URB1: variants seen among roughly 807,000 people sequenced by gnomAD.
URB1 encodes the protein URB1 ribosome biogenesis factor, also known as nucleolar pre-ribosomal-associated protein 1.
In URB1, 197 loss-of-function variants were observed where a neutral mutation model predicts 242.3. The ratio of observed to expected loss-of-function variants is 0.81; its 90% confidence interval spans 0.72 to 0.91. The LOEUF (loss-of-function observed/expected upper bound fraction) is 0.91. URB1 is among the 40% of genes least tolerant of loss of function. The pLI is 0.00. For synonymous variants in URB1, 1,153 were observed against 1,201.8 expected (o/e 0.96, Z 0.84); for missense variants, 2,721 against 2,860.5 (o/e 0.95, Z 1.11).
intron 30 of URB1, among the ~76,000 whole-genome samples, chr21:32,327,746 T>A (rs150906306): frequency 6.6e-6 from 1 of 152,310 alleles, no homozygotes; most frequent in South Asian, 2.1e-4. Context: ...AGGAAATGGA[T>A]CTATACTGTT....
Position 32,361,921 on chromosome 21 carries a change from G to A in URB1, c.1610C>T (p.Pro537Leu), listed in dbSNP as rs1328041487. The part of the protein sequence containing the change: ...DKKGQKRSDG[P>L]PAACDAHQCD... The stretch of plus-strand genomic sequence containing the variant: ...CTGGTGAGCATCGCAGGCAGCCGGG[G>A]GCCCATCGCTCCTTTTCTGCCCTTT... Residue 537 changes from proline (P) to leucine (L), a missense_variant, in exon 12 of 39, where the codon CCC becomes CTC. Pro to Leu is a moderately conservative substitution (Grantham distance 98). Transcript: ENST00000382751. The A allele has an allele frequency of 3.9e-6, 6 of 1,551,302 alleles. No homozygotes were observed. In the Admixed American group the frequency reaches 1.2e-4, roughly 30 times the overall value.
rs933256424 is a variant in URB1 at position 32,355,569 on chromosome 21, C to T, written c.1990-4G>A. 5 of 1,550,718 alleles carry T rather than the reference C, an allele frequency of 3.2e-6. No individual in the cohort carries two copies. In the Middle Eastern group the frequency reaches 6.7e-4, roughly 207 times the overall value. ...ACACCCCCGTGTCCCGCAGAATCTG[C>T]CAGGAAGTAGGCACCGGTGAAAAAG... On this transcript the variant is annotated splice_region_variant and splice_polypyrimidine_tract_variant and intron_variant, in intron 15 of 38. Transcript: ENST00000382751.
chr21:32,314,715 G>C lies in URB1; in HGVS notation c.*203C>G. On this transcript the variant is annotated 3_prime_UTR_variant, in exon 39 of 39. Transcript: ENST00000382751. The stretch of plus-strand genomic sequence containing the variant: ...CACATTCCTTGCAACTCTGATGCTG[G>C]GCACCTACAGGCCCGAGTTTATCAT... 1 of 1,532,312 alleles carries C rather than the reference G, an allele frequency of 6.5e-7. No individual in the cohort carries two copies. The highest frequency in any genetic ancestry group is 9.0e-7 in the Non-Finnish European group (1 of 1,107,292). The allele number at this position is 1,532,312 out of a possible 1,614,324, so 94.9% of individuals were successfully genotyped here. A position where few individuals can be genotyped will look rare whatever the true frequency, so the allele number is the denominator to read the frequency against.
At chr21:32,362,486 G>A (rs2033300327) in intron 11 of URB1, among the ~76,000 whole-genome samples, 1 of 152,166 alleles carries the variant, frequency 6.6e-6, no homozygotes, top group Non-Finnish European at 1.5e-5. Flanking sequence ...GGGATTACAG[G>A]TGTGAGCCAC....
intron 20 of URB1, 85 bp downstream of exon 20, chr21:32,350,619 G>T: frequency 6.9e-7 from 1 of 1,444,960 alleles, no homozygotes; most frequent in Non-Finnish European, 9.4e-7. Flanking sequence ...GCAAGAGTGT[G>T]CTGGGCTGTG....
Position 32,385,602 on chromosome 21 carries a change from A to C in URB1, c.225T>G (p.Ser75=). The C allele has an allele frequency of 6.4e-7, 1 of 1,552,026 alleles. No homozygotes were observed. Among genetic ancestry groups the C allele is most frequent in the East Asian group, 2.4e-5 (1 of 40,924 alleles). The change falls in exon 2 of 39, where the codon TCT becomes TCG. Residue 75 remains serine, a synonymous_variant. Coordinates refer to ENST00000382751, the MANE Select transcript of URB1 (RefSeq NM_014825.3). The part of the protein sequence containing the change: ...YDVVEGYIKI[S]VECVEIFQLL... Reference sequence around the variant, plus strand: ...GCTGGAAAATTTCGACACACTCAACAGAAATCTTTATATACCCTTCCACAA... The same window carrying C: ...GCTGGAAAATTTCGACACACTCAACCGAAATCTTTATATACCCTTCCACAA...
intron 16 of URB1, 47 bp from the exon 17 acceptor site, chr21:32,355,044 G>A: frequency 1.3e-6 from 2 of 1,508,278 alleles, no homozygotes; most frequent in Non-Finnish European, 8.9e-7. Context: ...GGTCACAGGT[G>A]AAATGAAGAA....
In URB1 at chr21:32,318,012, G is replaced by A. The variant is rs2032715210; in HGVS notation, c.5793-95C>T. The A allele has an allele frequency of 4.8e-6, 7 of 1,462,328 alleles. No individual in the cohort carries two copies. The East Asian group carries it at 1.2e-4, about 26-fold the overall frequency. 90.6% of individuals were successfully genotyped at this position (1,462,328 alleles called of 1,614,324 possible). A position where few individuals can be genotyped will look rare whatever the true frequency, so the allele number is the denominator to read the frequency against. ...CCCTGACGACATCACACACCCAGAGGTGCACACAGTCCCTCCAGGAACCAG... is the reference window on the plus strand; with the variant it reads ...CCCTGACGACATCACACACCCAGAGATGCACACAGTCCCTCCAGGAACCAG... On this transcript the variant is annotated intron_variant, in intron 36 of 38. Transcript: ENST00000382751.
In URB1 at chr21:32,338,898, A is replaced by C; in HGVS notation, c.4319T>G (p.Phe1440Cys). 1.3e-6 allele frequency: 2 copies of C among 1,533,230 alleles called. No individual in the cohort carries two copies. Among genetic ancestry groups the C allele is most frequent in the South Asian group, 2.4e-5 (2 of 82,922 alleles). 95.0% of individuals were successfully genotyped at this position (1,533,230 alleles called of 1,614,324 possible). ...WQKFVKKGLK[F>C]RYQDHTFLKM... is the part of the protein sequence containing the mutation. ...TAAAAATGTGTGGTCCTGGTACCGAAATCTAGGCGGCGAGAGTCAAAGGGA... is the reference window on the plus strand; with the variant it reads ...TAAAAATGTGTGGTCCTGGTACCGACATCTAGGCGGCGAGAGTCAAAGGGA... Residue 1440 changes from phenylalanine (F) to cysteine (C), a missense_variant and splice_region_variant, in exon 26 of 39, where the codon TTT (phenylalanine) becomes TGT (cysteine). By Grantham distance (205) the Phe-to-Cys change is radical. Transcript: ENST00000382751.
At chr21:32,351,043 G>A (rs1243556765) in intron 19 of URB1, 121 bp from the exon 20 acceptor site, 4 of 1,045,260 alleles carry the variant, frequency 3.8e-6, no homozygotes, top group East Asian at 5.2e-5. Context: ...GCTGAGATAA[G>A]ACTAACGAAT....
intron 1 of URB1, among the ~76,000 whole-genome samples, chr21:32,387,861 C>T (rs2033599902): frequency 6.6e-6 from 1 of 152,158 alleles, no homozygotes; most frequent in Non-Finnish European, 1.5e-5. Flanking sequence ...CTAGTCAGCA[C>T]CTCTGAACAC....
At position 32,312,069 on chromosome 21, in the gene URB1, C is replaced by T. The variant is rs2032595330; in HGVS notation, c.*2849G>A. The T allele has an allele frequency of 6.2e-7, 1 of 1,604,866 alleles. No individual in the cohort carries two copies. Among genetic ancestry groups the T allele is most frequent in the Non-Finnish European group, 8.5e-7 (1 of 1,179,430 alleles). On this transcript the variant is annotated 3_prime_UTR_variant, in exon 39 of 39. Coordinates refer to ENST00000382751, the MANE Select transcript of URB1 (RefSeq NM_014825.3). The stretch of plus-strand genomic sequence containing the variant: ...AACCTGGACACATACGTTCCTCGTT[C>T]TTCTTAGAGGCCATTTGCATGTAGC...
chr21:32,371,747 C>T (rs1020177463), intron 8 of URB1, among the ~76,000 whole-genome samples: 11 of 151,750 alleles, frequency 7.2e-5, no homozygotes, highest in Non-Finnish European at 1.3e-4. Context: ...GACAAGAAAA[C>T]ATGGCCAATA....
chr21:32,391,752 CCTATA>C (rs2033640968), intron 1 of URB1, among the ~76,000 whole-genome samples: 1 of 151,832 alleles, frequency 6.6e-6, no homozygotes, highest in African/African-American at 2.4e-5. Flanking sequence ...GTGGCTCATA[CCTATA>C]CTCCCAGCCC....
chr21:32,362,900 G>C (rs2123600507), intron 11 of URB1, among the ~76,000 whole-genome samples: 1 of 152,304 alleles, frequency 6.6e-6, no homozygotes, highest in East Asian at 1.9e-4. Flanking sequence ...ACCCCTGTGA[G>C]AGAACACATG....
At chr21:32,363,362 C>T in intron 10 of URB1, 33 bp from the exon 11 acceptor site, 1 of 1,542,986 alleles carries the variant, frequency 6.5e-7, no homozygotes, top group Non-Finnish European at 8.7e-7. Flanking sequence ...GCACACATGT[C>T]TCTAGGATAC....
chr21:32,352,506 T>C (rs1008117088), intron 19 of URB1, among the ~76,000 whole-genome samples: 1 of 152,240 alleles, frequency 6.6e-6, no homozygotes, highest in African/African-American at 2.4e-5. Flanking sequence ...TTTGGCTGCA[T>C]CACTGAGTCC....
chr21:32,382,996 C>T (rs7276902), intron 4 of URB1, among the ~76,000 whole-genome samples: 67,720 of 152,120 alleles, frequency 0.45, 20,078 homozygotes, highest in African/African-American at 0.83. Context: ...AAAGTCCTCT[C>T]TGAGGACGTC....
intron 30 of URB1, among the ~76,000 whole-genome samples, chr21:32,326,565 T>C (rs1432741867): frequency 1.3e-5 from 2 of 152,186 alleles, no homozygotes; most frequent in Non-Finnish European, 2.9e-5. Context: ...AACCCCCATG[T>C]TGGAGGTGGG....
Sources: gnomAD v4.1 joint callset for allele counts (sites outside exome capture counted in the v4.1 genomes callset) on GRCh38, gnomAD v4.1.1 for gene constraint, MANE v1.5 for transcripts, NCBI Gene and HGNC (gene_info 2026-07-23, HGNC 2026-07-21) for gene names.